AIG1: variants seen among roughly 807,000 people sequenced by gnomAD.
AIG1 encodes androgen induced 1.
AIG1 carries 23 observed loss-of-function variants against 31.4 expected under a neutral mutation model. That is an observed-to-expected ratio of 0.73 (90% CI 0.53 to 1.04). The LOEUF is 1.04. Among genes scored for constraint, AIG1 ranks in the 50% least tolerant of loss-of-function variants. The probability of loss-of-function intolerance (pLI) is 0.00; values close to 1 mark genes in which losing one functional copy is unlikely to be tolerated. For missense variants in AIG1, 274 were observed against 295.0 expected (o/e 0.93, Z 0.52); for synonymous variants, 100 against 110.5 (o/e 0.90, Z 0.60).
At chr6:143,230,859 C>G (rs1028986115) in intron 3 of AIG1, among the ~76,000 whole-genome samples, 4 of 152,150 alleles carry the variant, frequency 2.6e-5, no homozygotes, top group Admixed American at 6.5e-5. Context: ...AACTTGTCTC[C>G]AGTTTTACAC....
intron 1 of AIG1, among the ~76,000 whole-genome samples, chr6:143,073,017 T>TCTCC (rs765530462): frequency 4.6e-5 from 7 of 152,190 alleles, no homozygotes; most frequent in Non-Finnish European, 8.8e-5. Flanking sequence ...CTGACCTACT[T>TCTCC]CTCCCCATTT....
Position 143,134,227 on chromosome 6 carries a change from G to T in AIG1, c.142-2608G>T, listed in dbSNP as rs192542710. Among the ~76,000 whole-genome samples, 432 of 152,054 alleles carry T rather than the reference G, an allele frequency of 2.8e-3. 2 individuals are homozygous for T. The highest frequency in any genetic ancestry group is 9.9e-3 in the African/African-American group (410 of 41,540). ...ATTTGTACAGTTGAAGCCCTGTGCA[G>T]ATAATATTTCCTCCAATCTTATCCT... On this transcript the variant is annotated intron_variant, in intron 1 of 5. Transcript: ENST00000357847.
At chr6:143,131,276 ATATTTCATTT>A (rs1340198380) in intron 1 of AIG1, among the ~76,000 whole-genome samples, 2 of 151,966 alleles carry the variant, frequency 1.3e-5, no homozygotes, top group Admixed American at 1.3e-4. Flanking sequence ...AATATTGCTA[ATATTTCATTT>A]TATTTCCACT....
chr6:143,063,649 T>G (rs1776450036), intron 1 of AIG1, among the ~76,000 whole-genome samples: 1 of 152,236 alleles, frequency 6.6e-6, no homozygotes, highest in Non-Finnish European at 1.5e-5. Context: ...TGTACAATAT[T>G]AATGAGTCTA....
At chr6:143,221,229 C>T (rs1334189118) in intron 3 of AIG1, among the ~76,000 whole-genome samples, 1 of 152,162 alleles carries the variant, frequency 6.6e-6, no homozygotes, top group African/African-American at 2.4e-5. Context: ...TTTGTCTATG[C>T]AAGCTGTCTT....
intron 3 of AIG1, among the ~76,000 whole-genome samples, chr6:143,243,743 G>A (rs541914616): frequency 6.6e-6 from 1 of 152,318 alleles, no homozygotes; most frequent in Non-Finnish European, 1.5e-5. Flanking sequence ...CCTGGTTATG[G>A]TTCAGAAGTA....
At position 143,258,956 on chromosome 6, in the gene AIG1, A is replaced by G. The variant is rs1795551903; in HGVS notation, c.400-25154A>G. Among the ~76,000 whole-genome samples, 1 of 152,198 alleles carries G rather than the reference A, an allele frequency of 6.6e-6. No individual in the cohort carries two copies. On this transcript the variant is annotated intron_variant, in intron 3 of 5. Transcript: ENST00000357847. The surrounding 1 kb of genome is among the most constrained non-coding windows in gnomAD (Gnocchi z 4.7). ...CACATCCAAACCATAGCAGAGGTCA[A>G]CAGAGACCTTGGCAAAACCATTTCC...
At chr6:143,264,390 C>G (rs1030201308) in intron 3 of AIG1, among the ~76,000 whole-genome samples, 1 of 152,114 alleles carries the variant, frequency 6.6e-6, no homozygotes, top group African/African-American at 2.4e-5. Context: ...ATGAGATGTT[C>G]TCAGCAGGCA....
intron 1 of AIG1, among the ~76,000 whole-genome samples, chr6:143,104,909 A>AG (rs2128486339): frequency 6.6e-6 from 1 of 152,026 alleles, no homozygotes; most frequent in East Asian, 1.9e-4. Flanking sequence ...AAAAAAAGAA[A>AG]AAAAAAAAAA....
At chr6:143,136,382 T>A (rs937637949) in intron 1 of AIG1, among the ~76,000 whole-genome samples, 1 of 152,238 alleles carries the variant, frequency 6.6e-6, no homozygotes, top group African/African-American at 2.4e-5. Context: ...CTGAATTGTC[T>A]TGTTATTCAG....
intron 3 of AIG1, among the ~76,000 whole-genome samples, chr6:143,239,131 G>C (rs1311215542): frequency 1.3e-5 from 2 of 152,200 alleles, no homozygotes; most frequent in African/African-American, 4.8e-5. Context: ...TGTGCACAGA[G>C]TACAGTTGGA....
At chr6:143,302,856 G>T (rs1252743919) in intron 4 of AIG1, among the ~76,000 whole-genome samples, 1 of 152,096 alleles carries the variant, frequency 6.6e-6, no homozygotes. Context: ...GTAAAAGTGT[G>T]CCTATTTCTC....
At chr6:143,134,995 G>A (rs897882755) in intron 1 of AIG1, among the ~76,000 whole-genome samples, 6 of 152,062 alleles carry the variant, frequency 3.9e-5, no homozygotes, top group Admixed American at 6.5e-5. Context: ...TTATAGGGAC[G>A]TAGCTGCATC....
At chr6:143,343,469 G>T (rs951378092), downstream of AIG1, 2 of 289,430 alleles carry the variant, frequency 6.9e-6, no homozygotes. Context: ...TCATGGCTAC[G>T]TTCCCGCCTG....
intron 3 of AIG1, among the ~76,000 whole-genome samples, chr6:143,171,492 TATA>T (rs576052741): frequency 8.2e-6 from 1 of 122,286 alleles, no homozygotes; most frequent in Non-Finnish European, 1.6e-5. Context: ...ATATTAAATA[TATA>T]ATATATATTT....
intron 3 of AIG1, among the ~76,000 whole-genome samples, chr6:143,251,831 G>C (rs1372831392): frequency 6.6e-6 from 1 of 152,118 alleles, no homozygotes; most frequent in Non-Finnish European, 1.5e-5. Context: ...AAGACAATCT[G>C]CCCTCCCTTT....
At chr6:143,272,499 A>G (rs1562544639) in intron 3 of AIG1, among the ~76,000 whole-genome samples, 1 of 152,206 alleles carries the variant, frequency 6.6e-6, no homozygotes, top group Non-Finnish European at 1.5e-5. Context: ...CTGGCCTAAG[A>G]GTGTCCACAT....
At chr6:143,189,989 T>C (rs1789638402) in intron 3 of AIG1, 8 of 475,504 alleles carry the variant, frequency 1.7e-5, no homozygotes, top group Non-Finnish European at 2.2e-5. Flanking sequence ...TTCCAGCTTC[T>C]TGCTGTGTCC....
chr6:143,343,364 C>G, downstream of AIG1: 1 of 576,834 alleles, frequency 1.7e-6, no homozygotes, highest in Non-Finnish European at 3.4e-6. Flanking sequence ...CCCCCCCAAA[C>G]AAGAGGTGGC....
Sources: allele counts gnomAD v4.1 joint callset (sites outside exome capture counted in the v4.1 genomes callset), GRCh38; gene constraint gnomAD v4.1.1; non-coding constraint Gnocchi (gnomAD v3.1); transcripts MANE v1.5; gene names NCBI Gene and HGNC (gene_info 2026-07-23, HGNC 2026-07-21).